NBEA: variants seen among roughly 807,000 people sequenced by gnomAD.
NBEA encodes the protein neurobeachin.
NBEA carries 44 observed loss-of-function variants against 343.4 expected under a neutral mutation model. The ratio of observed to expected loss-of-function variants is 0.13; its 90% CI spans 0.10 to 0.16. The LOEUF is 0.16. NBEA is among the 10% of genes least tolerant of loss of function. NBEA has a pLI of 1.00. For missense variants in NBEA, 2,555 were observed against 3,631.3 expected (o/e 0.70, Z 7.62); for synonymous variants, 1,175 against 1,238.7 (o/e 0.95, Z 1.08).
chr13:35,010,738 AAAAATATAT>A (rs2061459661), intron 1 of NBEA, among the ~76,000 whole-genome samples: 1 of 32,068 alleles, frequency 3.1e-5, no homozygotes, highest in Non-Finnish European at 6.5e-5. Context: ...AAAAAAAAAA[AAAAATATAT>A]ATATATATAT....
chr13:35,395,723 T>C (rs934667760), intron 38 of NBEA, among the ~76,000 whole-genome samples: 6 of 152,162 alleles, frequency 3.9e-5, no homozygotes, highest in Admixed American at 1.3e-4. Flanking sequence ...ATTCTCCCTA[T>C]TAAAAGAGAG....
chr13:35,572,901 A>G (rs1221928460), intron 45 of NBEA, among the ~76,000 whole-genome samples: 1 of 152,232 alleles, frequency 6.6e-6, no homozygotes, highest in East Asian at 1.9e-4. Flanking sequence ...AATTCCATTT[A>G]CTTGATCATA....
chr13:35,140,659 C>T (rs901855887), intron 17 of NBEA, among the ~76,000 whole-genome samples: 1 of 152,120 alleles, frequency 6.6e-6, no homozygotes, highest in Non-Finnish European at 1.5e-5. Flanking sequence ...AGGGTATCAA[C>T]AATCCTGTGT....
intron 36 of NBEA, among the ~76,000 whole-genome samples, chr13:35,343,881 A>G (rs997150749): frequency 5.3e-5 from 8 of 152,098 alleles, no homozygotes; most frequent in African/African-American, 1.4e-4. Flanking sequence ...TATATATTAC[A>G]ATGTAATAAT....
chr13:34,984,664 T>C lies in NBEA; in HGVS notation c.294+41550T>C, dbSNP rs2060484564. Among the ~76,000 whole-genome samples, 2 of 149,714 alleles carry C rather than the reference T, an allele frequency of 1.3e-5. 1 individual carries two copies. The highest frequency in any genetic ancestry group is 3.0e-5 in the Non-Finnish European group (2 of 66,548). ...TGGCCATTTTCACGATATTGATTCT[T>C]CATGAGCATGGAATGTTCTTCCATT... On this transcript the variant is annotated intron_variant, in intron 1 of 58. Coordinates refer to ENST00000379939, the MANE Select transcript of NBEA (RefSeq NM_001385012.1).
chr13:35,421,706 T>A (rs12585420), intron 38 of NBEA, among the ~76,000 whole-genome samples: 22,374 of 152,100 alleles, frequency 0.15, 1,706 homozygotes, highest in East Asian at 0.25. Context: ...AGACTAGCTC[T>A]GATGGCAATA....
In NBEA at chr13:35,335,811, C is replaced by T. The variant is rs572500501; in HGVS notation, c.5904-13297C>T. Reference sequence around the variant, plus strand: ...GGGAGGAACAGCTTGGAAATAGGTACATAAGGGCTTTGAAAAGCTCTAACA... The same window carrying T: ...GGGAGGAACAGCTTGGAAATAGGTATATAAGGGCTTTGAAAAGCTCTAACA... On this transcript the variant is annotated intron_variant, in intron 36 of 58. Transcript: ENST00000379939. 2.6e-5 allele frequency among the ~76,000 whole-genome samples: 4 copies of T among 152,174 alleles called. No homozygotes were observed. The South Asian group carries it at 8.3e-4, about 32-fold the overall frequency.
At chr13:35,296,332 GATTGCACC>G (rs1291986834) in intron 35 of NBEA, among the ~76,000 whole-genome samples, 1 of 149,050 alleles carries the variant, frequency 6.7e-6, no homozygotes, top group African/African-American at 2.5e-5. Flanking sequence ...ATTTAGCTGA[GATTGCACC>G]ACTGCACTCC....
At chr13:35,551,400 C>A (rs1487057987) in intron 43 of NBEA, among the ~76,000 whole-genome samples, 1 of 151,838 alleles carries the variant, frequency 6.6e-6, no homozygotes, top group African/African-American at 2.4e-5. Flanking sequence ...TTTATAAATG[C>A]CATATATAAA....
chr13:35,259,943 G>A (rs1482934520), intron 34 of NBEA, among the ~76,000 whole-genome samples: 1 of 152,160 alleles, frequency 6.6e-6, no homozygotes, highest in Non-Finnish European at 1.5e-5. Flanking sequence ...CAGTTGATTA[G>A]TTGCATCAGC....
At chr13:35,609,160 C>T (rs1263804496) in intron 48 of NBEA, among the ~76,000 whole-genome samples, 1 of 152,186 alleles carries the variant, frequency 6.6e-6, no homozygotes, top group African/African-American at 2.4e-5. Flanking sequence ...TCTTTATTAT[C>T]CACTGGACAT....
chr13:35,289,686 A>G (rs991890685), intron 34 of NBEA, among the ~76,000 whole-genome samples: 6 of 151,942 alleles, frequency 3.9e-5, no homozygotes, highest in African/African-American at 9.7e-5. Flanking sequence ...AAATGAGACC[A>G]TGCACGTAAG....
intron 1 of NBEA, among the ~76,000 whole-genome samples, chr13:34,960,203 A>G: frequency 6.6e-6 from 1 of 152,124 alleles, no homozygotes; most frequent in Non-Finnish European, 1.5e-5. Flanking sequence ...TTTGTGTCTT[A>G]GTTTTTAACA....
chr13:35,539,588 A>T (rs1409147446), intron 41 of NBEA, among the ~76,000 whole-genome samples: 23 of 152,096 alleles, frequency 1.5e-4, no homozygotes. Flanking sequence ...GCAAATTTTT[A>T]AAAAATGTTT....
intron 38 of NBEA, among the ~76,000 whole-genome samples, chr13:35,400,476 T>C (rs893879210): frequency 3.3e-5 from 5 of 152,044 alleles, no homozygotes; most frequent in African/African-American, 1.2e-4. Flanking sequence ...ACATCTAATA[T>C]GTCCTACTTT....
Position 35,159,402 on chromosome 13 carries a change from A to C in NBEA, c.3231A>C (p.Ser1077=), listed in dbSNP as rs17051891. The C allele has an allele frequency of 4.9e-3, 7,949 of 1,613,440 alleles. 209 individuals are homozygous for C. The African/African-American group carries it at 0.051, about 10-fold the overall frequency. ...TAAAGCTCGATGATATGGATTTATC[A>C]CCGGAGACTTTAGTAGGTGGAGAGA... is the stretch of plus-strand genomic sequence containing the variant. ...TEVKLDDMDL[S]PETLVGGENG... The change falls in exon 22 of 59, where the codon TCA becomes TCC. Residue 1077 remains serine (S), a synonymous_variant. Transcript: ENST00000379939.
chr13:35,226,183 A>G (rs972644224), intron 33 of NBEA, among the ~76,000 whole-genome samples: 5 of 152,148 alleles, frequency 3.3e-5, no homozygotes, highest in Admixed American at 3.3e-4. Flanking sequence ...ACTCCATGGG[A>G]AAGCTCTGAA....
intron 18 of NBEA, among the ~76,000 whole-genome samples, chr13:35,151,457 C>G (rs1020800570): frequency 6.7e-6 from 1 of 150,156 alleles, no homozygotes; most frequent in East Asian, 2.0e-4. Context: ...GCAGGAGAAT[C>G]GCTTGAACCC....
At chr13:35,235,596 C>T (rs975615595) in intron 34 of NBEA, among the ~76,000 whole-genome samples, 3 of 152,160 alleles carry the variant, frequency 2.0e-5, no homozygotes, top group Non-Finnish European at 4.4e-5. Context: ...TTATAAGACT[C>T]ACGTTACTGG....
Sources: allele counts gnomAD v4.1 joint callset (sites outside exome capture counted in the v4.1 genomes callset), GRCh38; gene constraint gnomAD v4.1.1; transcripts MANE v1.5; gene names NCBI Gene and HGNC (gene_info 2026-07-23, HGNC 2026-07-21).